Variants in PTPRF observed in about 807,000 individuals in gnomAD.
The protein encoded by PTPRF is receptor-type tyrosine-protein phosphatase F.
In PTPRF, 59 loss-of-function variants were observed where a neutral mutation model predicts 201.8. That is an observed-to-expected ratio of 0.29 (90% CI 0.24 to 0.36). The LOEUF (loss-of-function observed/expected upper bound fraction) is 0.36. Ranked by LOEUF, PTPRF falls within the 10% of genes least tolerant of loss-of-function variation. PTPRF has a pLI of 1.00. For missense variants in PTPRF, 2,132 were observed against 2,690.5 expected (o/e 0.79, Z 4.59); for synonymous variants, 1,088 against 1,089.7 (o/e 1.00, Z 0.03).
chr1:43,612,789 C>G (rs199963215), intron 22 of PTPRF: 2 of 1,365,718 alleles, frequency 1.5e-6, no homozygotes, highest in Non-Finnish European at 2.0e-6. Context: ...CCCAGTTGCC[C>G]GAATACCTCA....
rs781210446 is a variant in PTPRF at position 43,617,515 on chromosome 1, A to G, written c.4142A>G (p.Tyr1381Cys). 5.0e-6 allele frequency: 8 copies of G among 1,614,148 alleles called. No homozygotes were observed. Among genetic ancestry groups the G allele is most frequent in the South Asian group, 2.2e-5 (2 of 91,080 alleles). Residue 1381 changes from tyrosine to cysteine, a missense_variant, in exon 24 of 34, where the codon TAT becomes TGT. By Grantham distance (194) the Tyr-to-Cys change is radical. Coordinates refer to ENST00000359947, the MANE Select transcript of PTPRF (RefSeq NM_002840.5). ...NLEVNKPKNR[Y>C]ANVIAYDHSR... The stretch of plus-strand genomic sequence containing the variant: ...GAGGTGAACAAGCCCAAGAACCGCT[A>G]TGCGAATGTCATCGCCTACGACCAC...
intron 3 of PTPRF, among the ~76,000 whole-genome samples, chr1:43,547,849 C>T (rs1285231103): frequency 6.6e-6 from 1 of 152,212 alleles, no homozygotes; most frequent in Non-Finnish European, 1.5e-5. Flanking sequence ...CGCAGCTTCC[C>T]CAGCCAGGCT....
At chr1:43,582,077 G>T (rs138508641) in intron 7 of PTPRF, among the ~76,000 whole-genome samples, 4 of 152,184 alleles carry the variant, frequency 2.6e-5, no homozygotes, top group Admixed American at 6.5e-5. Context: ...TGGCCGCAAG[G>T]CTTCGTCTCC....
intron 5 of PTPRF, among the ~76,000 whole-genome samples, chr1:43,557,769 G>A (rs188803296): frequency 6.6e-6 from 1 of 152,284 alleles, no homozygotes; most frequent in Non-Finnish European, 1.5e-5. Context: ...CAAGTACCCA[G>A]ACCCTGTCCA....
intron 6 of PTPRF, among the ~76,000 whole-genome samples, chr1:43,573,662 C>T (rs958581783): frequency 5.3e-5 from 8 of 152,230 alleles, no homozygotes; most frequent in African/African-American, 9.6e-5. Context: ...CTCCCTGGCA[C>T]CTCTTGGACA....
In PTPRF at chr1:43,620,157, G is replaced by A. The variant is rs754926878; in HGVS notation, c.5174G>A (p.Arg1725His). 6.8e-6 allele frequency: 11 copies of A among 1,614,106 alleles called. No individual in the cohort carries two copies. The highest frequency in any genetic ancestry group is 9.3e-6 in the Non-Finnish European group (11 of 1,179,980). ...GCAGAGAGCACCGAGGACTTCTGGC[G>A]CATGCTATGGGAGCACAATTCCACC... ...PLAESTEDFW[R>H]MLWEHNSTII... The change falls in exon 30 of 34, where the codon CGC becomes CAC. Residue 1725 changes from arginine to histidine, a missense_variant. Physicochemically the swap from Arg to His is conservative, Grantham distance 29 (BLOSUM62 0). This residue lies in a region of PTPRF where 519 missense variants were observed against 659.5 expected (regional missense o/e 0.79). Transcript: ENST00000359947.
intron 5 of PTPRF, among the ~76,000 whole-genome samples, chr1:43,559,275 G>A (rs540610811): frequency 4.3e-4 from 66 of 152,272 alleles, no homozygotes; most frequent in African/African-American, 1.5e-3. Flanking sequence ...TGGGGAAGGG[G>A]CAGTGTGTGC....
At chr1:43,528,283 G>C (rs1643202301), upstream of PTPRF, among the ~76,000 whole-genome samples, 1 of 152,200 alleles carries the variant, frequency 6.6e-6, no homozygotes, top group Non-Finnish European at 1.5e-5. Flanking sequence ...CTGCCTTCCA[G>C]GTTCAAGCAA....
At chr1:43,539,290 T>C (rs1644216146) in intron 2 of PTPRF, among the ~76,000 whole-genome samples, 2 of 152,068 alleles carry the variant, frequency 1.3e-5, no homozygotes, top group South Asian at 4.1e-4. Flanking sequence ...TAAGGAGGGT[T>C]TGCGGGCTTG....
At chr1:43,616,408 G>C (rs545770506) in intron 23 of PTPRF, among the ~76,000 whole-genome samples, 1 of 151,942 alleles carries the variant, frequency 6.6e-6, no homozygotes, top group Non-Finnish European at 1.5e-5. Flanking sequence ...TCTGCATTTT[G>C]GAAGGATTAT....
chr1:43,611,239 A>C (rs1053919522), intron 22 of PTPRF, among the ~76,000 whole-genome samples: 5 of 152,182 alleles, frequency 3.3e-5, no homozygotes, highest in African/African-American at 1.2e-4. Context: ...GGCTGTTGCA[A>C]CCCAGCATGA....
intron 5 of PTPRF, among the ~76,000 whole-genome samples, chr1:43,557,468 T>C (rs1645457258): frequency 6.6e-6 from 1 of 152,070 alleles, no homozygotes; most frequent in Admixed American, 6.5e-5. Context: ...ACCCCATCTC[T>C]ACCAAAAAAT....
chr1:43,612,688 T>C (rs3791149), intron 22 of PTPRF: 2 of 1,236,446 alleles, frequency 1.6e-6, no homozygotes, highest in Non-Finnish European at 1.1e-6. Context: ...GTGATGGTGC[T>C]GTAAGCAGAA....
At chr1:43,567,845 T>C (rs1646288858) in intron 5 of PTPRF, among the ~76,000 whole-genome samples, 1 of 152,208 alleles carries the variant, frequency 6.6e-6, no homozygotes. Context: ...TGTGCTGGGC[T>C]TGTGGAAAGG....
Position 43,618,767 on chromosome 1 carries a change from T to C in PTPRF, c.4491+18T>C, listed in dbSNP as rs180734481. 2.5e-6 allele frequency: 4 copies of C among 1,589,522 alleles called. No individual in the cohort carries two copies. In the African/African-American group the frequency reaches 5.4e-5, roughly 21 times the overall value. On this transcript the variant is annotated intron_variant, in intron 26 of 33. Transcript: ENST00000359947. ...TCCACAAGGTATAGCCTTTCCCCAG[T>C]GCATATCTCTTACCCAGACACTGTA...
At chr1:43,526,161 G>A (rs11210864), upstream of PTPRF, among the ~76,000 whole-genome samples, 50,987 of 152,022 alleles carry the variant, frequency 0.34, 8,709 homozygotes, top group East Asian at 0.49. Flanking sequence ...TGGGTTTGCG[G>A]ATTTGGTAGT....
In PTPRF at chr1:43,553,229, C is replaced by T. The variant is rs1230183464; in HGVS notation, c.92-263C>T. Among the ~76,000 whole-genome samples, 1 of 152,180 alleles carries T rather than the reference C, an allele frequency of 6.6e-6. No individual in the cohort carries two copies. The highest frequency in any genetic ancestry group is 2.4e-5 in the African/African-American group (1 of 41,418). On this transcript the variant is annotated intron_variant, in intron 3 of 33. Transcript: ENST00000359947. The surrounding 1 kb of genome is among the most constrained non-coding windows in gnomAD (Gnocchi z 4.1). ...AGATCTTAGCTCTACCACTTACCAGCTGTGTCATATGGGACAAATCCCTTA... is the reference window on the plus strand; with the variant it reads ...AGATCTTAGCTCTACCACTTACCAGTTGTGTCATATGGGACAAATCCCTTA...
At chr1:43,578,314 G>A (rs928068481) in intron 6 of PTPRF, among the ~76,000 whole-genome samples, 1 of 152,190 alleles carries the variant, frequency 6.6e-6, no homozygotes, top group Non-Finnish European at 1.5e-5. Flanking sequence ...GGCCCCCAGG[G>A]CAAACCCATT....
intron 3 of PTPRF, among the ~76,000 whole-genome samples, chr1:43,549,594 C>T (rs1644891231): frequency 6.6e-6 from 1 of 152,160 alleles, no homozygotes; most frequent in Admixed American, 6.5e-5. Flanking sequence ...GTGGCTCATA[C>T]CCGTAATCCC....
Sources: gnomAD v4.1 joint callset for allele counts (sites outside exome capture counted in the v4.1 genomes callset) on GRCh38, gnomAD v4.1.1 for gene constraint, gnomAD v4.1.1 regional missense constraint, Gnocchi (gnomAD v3.1) non-coding constraint, MANE v1.5 for transcripts, NCBI Gene and HGNC (gene_info 2026-07-23, HGNC 2026-07-21) for gene names.